Variants in SYNE3 observed in about 807,000 individuals in gnomAD.
SYNE3 encodes the protein nesprin-3.
In SYNE3, 100 loss-of-function variants were observed where a neutral mutation model predicts 111.2. The observed-to-expected ratio is 0.90, with a 90% CI of 0.77 to 1.06. The LOEUF is 1.06. SYNE3 is among the 50% of genes least tolerant of loss of function. The pLI is 0.00. For missense variants in SYNE3, 1,160 were observed against 1,240.3 expected (o/e 0.94, Z 0.97); for synonymous variants, 547 against 533.9 (o/e 1.02, Z -0.34).
intron 7 of SYNE3, 35 bp downstream of exon 7, chr14:95,452,212 C>T (rs1595207427): frequency 1.8e-6 from 1 of 553,376 alleles, no homozygotes. Flanking sequence ...TTCCAGCACA[C>T]CCTGAGTCCC....
At chr14:95,480,762 GA>G (rs34792321) in intron 1 of SYNE3, among the ~76,000 whole-genome samples, 21,216 of 147,642 alleles carry the variant, frequency 0.14, 1,700 homozygotes, top group African/African-American at 0.22. Context: ...GATGCAAACT[GA>G]AAAAAAAAAG....
chr14:95,482,049 T>C (rs1889292287), intron 1 of SYNE3, among the ~76,000 whole-genome samples: 1 of 152,222 alleles, frequency 6.6e-6, no homozygotes, highest in Non-Finnish European at 1.5e-5. Context: ...CCTACTTGGC[T>C]TTGCAATGCC....
intron 11 of SYNE3, among the ~76,000 whole-genome samples, chr14:95,441,517 T>C (rs1015384005): frequency 6.6e-6 from 1 of 152,240 alleles, no homozygotes; most frequent in Non-Finnish European, 1.5e-5. Context: ...AATTTCTCTT[T>C]AAAGAAGAAT....
chr14:95,428,600 C>T (rs1885566274), intron 17 of SYNE3, among the ~76,000 whole-genome samples: 1 of 152,188 alleles, frequency 6.6e-6, no homozygotes, highest in Non-Finnish European at 1.5e-5. Context: ...CTCACAGAAC[C>T]TTTGACCAAT....
At position 95,466,068 on chromosome 14, in the gene SYNE3, C is replaced by T; in HGVS notation, c.490G>A (p.Asp164Asn). ...SHAQVLLHNVDNQAVLLDRLL... is the reference protein window; with the variant it reads ...SHAQVLLHNVNNQAVLLDRLL... ...CGGTCCAGGAGCACCGCCTGGTTGT[C>T]CACGTTGTGCAGCAGCACCTGGGCG... Residue 164 changes from aspartate (D) to asparagine (N), a missense_variant, in exon 4 of 18, where the codon GAC (aspartate) becomes AAC (asparagine). Transcript: ENST00000682763. 2 of 1,613,460 alleles carry T rather than the reference C, an allele frequency of 1.2e-6. No individual in the cohort carries two copies. Among genetic ancestry groups the T allele is most frequent in the Non-Finnish European group, 1.7e-6 (2 of 1,179,420 alleles).
intron 1 of SYNE3, among the ~76,000 whole-genome samples, chr14:95,487,823 C>G (rs1251024688): frequency 1.3e-5 from 2 of 151,978 alleles, no homozygotes; most frequent in African/African-American, 4.8e-5. Context: ...ACAGGTGACC[C>G]CTGAACAACA....
At chr14:95,505,349 C>A (rs779022952) in intron 1 of SYNE3, among the ~76,000 whole-genome samples, 75 of 152,312 alleles carry the variant, frequency 4.9e-4, no homozygotes, top group Non-Finnish European at 8.4e-4. Context: ...CTGAGTAAAG[C>A]CACACCGGGA....
At chr14:95,481,077 A>G (rs1889219583) in intron 1 of SYNE3, among the ~76,000 whole-genome samples, 1 of 152,212 alleles carries the variant, frequency 6.6e-6, no homozygotes, top group African/African-American at 2.4e-5. Flanking sequence ...GCACCTGGTC[A>G]GTAATAGGTG....
At chr14:95,462,051 G>A (rs956031884) in intron 4 of SYNE3, among the ~76,000 whole-genome samples, 8 of 152,170 alleles carry the variant, frequency 5.3e-5, no homozygotes, top group South Asian at 2.1e-4. Context: ...AGTTTGCCCC[G>A]CTCAGGAGCC....
In SYNE3 at chr14:95,500,368, G is replaced by A. The variant is rs141356837; in HGVS notation, c.-15+16228C>T. On this transcript the variant is annotated intron_variant, in intron 1 of 17. Transcript: ENST00000682763. This position sits in a 1 kb window ranked among gnomAD's most constrained non-coding sequence, Gnocchi z 4.7. ...CAGCCTAGGAACTGCCTTTTGTCCC[G>A]CTGCTCTCTATGGATCCCAACCTGA... 7.2e-4 allele frequency among the ~76,000 whole-genome samples: 110 copies of A among 152,308 alleles called. 2 individuals carry two copies. In the East Asian group the frequency reaches 0.016, roughly 22 times the overall value.
At chr14:95,507,488 T>C (rs2139610526) in intron 1 of SYNE3, among the ~76,000 whole-genome samples, 1 of 152,320 alleles carries the variant, frequency 6.6e-6, no homozygotes, top group East Asian at 1.9e-4. Context: ...GGCTATCCTC[T>C]TATCTGCTCA....
chr14:95,480,922 G>A (rs888753451), intron 1 of SYNE3, among the ~76,000 whole-genome samples: 2 of 152,242 alleles, frequency 1.3e-5, no homozygotes, highest in African/African-American at 2.4e-5. Context: ...CAGCAGAAGG[G>A]GAGTAGCGGG....
intron 4 of SYNE3, among the ~76,000 whole-genome samples, chr14:95,460,367 G>GTTTTTTTTTT (rs548346693): frequency 2.3e-3 from 199 of 85,198 alleles, no homozygotes; most frequent in Non-Finnish European, 3.3e-3. Context: ...ACGATGCCTA[G>GTTTTTTTTTT]TTTTTTTTTT....
In SYNE3 at chr14:95,478,220, T is replaced by C. The variant is rs1187746; in HGVS notation, c.-14-2385A>G. Among the ~76,000 whole-genome samples, 4 of 152,282 alleles carry C rather than the reference T, an allele frequency of 2.6e-5. No individual in the cohort carries two copies. In the East Asian group the frequency reaches 7.7e-4, roughly 29 times the overall value. On this transcript the variant is annotated intron_variant, in intron 1 of 17. Transcript: ENST00000682763. Reference sequence around the variant, plus strand: ...TGCAATTCTGCCTATTTTGCTTCAGTTCAATGAAACACAGGACTTAAGAGG... The same window carrying C: ...TGCAATTCTGCCTATTTTGCTTCAGCTCAATGAAACACAGGACTTAAGAGG...
At chr14:95,475,882 G>T in intron 1 of SYNE3, 47 bp from the exon 2 acceptor site, 1 of 1,386,416 alleles carries the variant, frequency 7.2e-7, no homozygotes. Context: ...AATGTAGGGG[G>T]CTGCAAAAAG....
intron 7 of SYNE3, 112 bp downstream of exon 7, chr14:95,452,135 A>C: frequency 7.7e-7 from 1 of 1,290,574 alleles, no homozygotes; most frequent in Non-Finnish European, 1.1e-6. Context: ...AGGTACAAAG[A>C]ATGATTTAGA....
intron 1 of SYNE3, among the ~76,000 whole-genome samples, chr14:95,504,013 A>T (rs545345616): frequency 6.6e-6 from 1 of 152,310 alleles, no homozygotes; most frequent in South Asian, 2.1e-4. Context: ...TCTAAACAGG[A>T]GGCTGCAAAC....
chr14:95,461,208 A>C (rs1887789526), intron 4 of SYNE3, among the ~76,000 whole-genome samples: 1 of 152,240 alleles, frequency 6.6e-6, no homozygotes, highest in Non-Finnish European at 1.5e-5. Flanking sequence ...GCCTCTGCAA[A>C]GGGCTGCACG....
intron 1 of SYNE3, among the ~76,000 whole-genome samples, chr14:95,505,053 A>G (rs1457356132): frequency 6.6e-6 from 1 of 152,216 alleles, no homozygotes; most frequent in Non-Finnish European, 1.5e-5. Flanking sequence ...TACGAAGTCC[A>G]GGCCTGGGAA....
Sources: allele counts gnomAD v4.1 joint callset (sites outside exome capture counted in the v4.1 genomes callset), GRCh38; gene constraint gnomAD v4.1.1; non-coding constraint Gnocchi (gnomAD v3.1); transcripts MANE v1.5; gene names NCBI Gene and HGNC (gene_info 2026-07-23, HGNC 2026-07-21).